USP9X: variants seen among roughly 807,000 people sequenced by gnomAD.
USP9X encodes the protein ubiquitin specific peptidase 9 X-linked.
USP9X carries 7 observed loss-of-function variants against 190.3 expected under a neutral mutation model. The observed-to-expected ratio is 0.04, with a 90% CI of 0.02 to 0.07. The LOEUF is 0.07. Among genes scored for constraint, USP9X ranks in the 10% least tolerant of loss-of-function variants. The probability of loss-of-function intolerance (pLI) is 1.00; values close to 1 mark genes in which losing one functional copy is unlikely to be tolerated. For missense variants in USP9X, 1,010 were observed against 1,916.9 expected, an observed-to-expected ratio of 0.53 and a Z score of 8.83; for synonymous variants, 645 against 659.5, an observed-to-expected ratio of 0.98 and a Z score of 0.34.
intron 21 of USP9X, among the ~76,000 whole-genome samples, chrX:41,180,165 T>C (rs1457353064): frequency 8.9e-6 from 1 of 112,536 alleles, no homozygotes; most frequent in Admixed American, 9.4e-5. Context: ...TTTGCAATTA[T>C]TATGGGACAG....
chrX:41,179,907 A>G (rs2062811359), intron 21 of USP9X, among the ~76,000 whole-genome samples: 1 of 111,428 alleles, frequency 9.0e-6, no homozygotes. Context: ...ATCTATCCCC[A>G]TCTTCACTAC....
intron 9 of USP9X, among the ~76,000 whole-genome samples, chrX:41,142,487 A>G (rs1040544866): frequency 2.7e-5 from 3 of 111,820 alleles, no homozygotes; most frequent in Admixed American, 1.9e-4. Flanking sequence ...TTAAAAACAT[A>G]TGTGTATATA....
rs753901402 is a variant in USP9X at position 41,214,601 on chromosome X, C to T, written c.5223C>T (p.Asn1741=). The T allele has an allele frequency of 6.7e-6, 8 of 1,187,436 alleles. No individual in the cohort carries two copies. The highest frequency in any genetic ancestry group is 3.6e-5 in the African/African-American group (2 of 55,890). ...GTGAAGAATCTTTTACGACCCTAAACGTAGACATTAGAAATCACCAAAATC... is the reference window on the plus strand; with the variant it reads ...GTGAAGAATCTTTTACGACCCTAAATGTAGACATTAGAAATCACCAAAATC... ...YECEESFTTL[N]VDIRNHQNLL... The change falls in exon 34 of 45, where the codon AAC becomes AAT. Residue 1741 remains asparagine (N), a synonymous_variant. Transcript: ENST00000378308.
chrX:41,222,586 T>C (rs12007701), intron 38 of USP9X, among the ~76,000 whole-genome samples: 15,351 of 110,957 alleles, frequency 0.14, 980 homozygotes, highest in East Asian at 0.22. Flanking sequence ...AAATGAGGGT[T>C]GCAGTGTTGG....
intron 1 of USP9X, among the ~76,000 whole-genome samples, chrX:41,110,323 C>T (rs775359962): frequency 1.1e-4 from 12 of 112,427 alleles, no homozygotes; most frequent in South Asian, 7.3e-4. Flanking sequence ...ACAGTGACAA[C>T]GATACTTAAC....
intron 11 of USP9X, among the ~76,000 whole-genome samples, chrX:41,147,819 C>G (rs1339942793): frequency 8.9e-6 from 1 of 112,071 alleles, no homozygotes; most frequent in African/African-American, 3.2e-5. Context: ...AAACACTGAT[C>G]AGCAACTTAG....
chrX:41,201,322 A>G (rs747363817), intron 31 of USP9X, 42 bp downstream of exon 31: 1 of 1,069,614 alleles, frequency 9.3e-7, no homozygotes. Flanking sequence ...GTTTCAAGTT[A>G]TGATACCAGA....
intron 40 of USP9X, 28 bp downstream of exon 40, chrX:41,224,990 T>C: frequency 8.3e-7 from 1 of 1,209,263 alleles, no homozygotes; most frequent in Non-Finnish European, 1.1e-6. Context: ...TTTGTATGTT[T>C]ATAATTTGAT....
intron 2 of USP9X, among the ~76,000 whole-genome samples, chrX:41,127,350 C>A (rs1222161746): frequency 9.0e-6 from 1 of 111,132 alleles, no homozygotes; most frequent in Admixed American, 9.6e-5. Context: ...ATGTATAATT[C>A]CAGTTTTATT....
chrX:41,103,402 C>T (rs2062048166), intron 1 of USP9X, among the ~76,000 whole-genome samples: 1 of 112,033 alleles, frequency 8.9e-6, no homozygotes, highest in Non-Finnish European at 1.9e-5. Context: ...AACATCATTT[C>T]GGTACTTATG....
intron 1 of USP9X, among the ~76,000 whole-genome samples, chrX:41,095,212 G>A (rs1011739417): frequency 8.9e-6 from 1 of 111,785 alleles, no homozygotes; most frequent in African/African-American, 3.3e-5. Context: ...TGCAATTACA[G>A]CTGTATTAAG....
At chrX:41,166,305 T>G in intron 16 of USP9X, 91 bp downstream of exon 16, 1 of 688,256 alleles carries the variant, frequency 1.5e-6, no homozygotes, top group South Asian at 3.9e-5. Flanking sequence ...ATTGTGTATT[T>G]TACTCTGATG....
intron 26 of USP9X, among the ~76,000 whole-genome samples, chrX:41,195,130 G>A (rs980387972): frequency 3.7e-5 from 4 of 109,154 alleles, no homozygotes; most frequent in Admixed American, 1.0e-4. Flanking sequence ...TCCGCCTTCC[G>A]GGTTCAAGCA....
intron 21 of USP9X, among the ~76,000 whole-genome samples, chrX:41,175,953 G>A (rs2062771225): frequency 9.2e-6 from 1 of 108,465 alleles, no homozygotes; most frequent in African/African-American, 3.4e-5. Flanking sequence ...GTGCAGTGGC[G>A]CAATCTCGGC....
At chrX:41,201,830 G>T (rs1294995082) in intron 31 of USP9X, among the ~76,000 whole-genome samples, 2 of 111,537 alleles carry the variant, frequency 1.8e-5, no homozygotes, top group African/African-American at 6.5e-5. Context: ...AATTAGCTGG[G>T]TGTGGTGGCA....
At chrX:41,222,419 T>A (rs1236228404) in intron 38 of USP9X, among the ~76,000 whole-genome samples, 1 of 111,625 alleles carries the variant, frequency 9.0e-6, no homozygotes, top group Non-Finnish European at 1.9e-5. Context: ...CAAATTGGCA[T>A]GAGTTGAGGA....
At chrX:41,173,320 G>A (rs2062744008) in intron 21 of USP9X, among the ~76,000 whole-genome samples, 1 of 111,698 alleles carries the variant, frequency 9.0e-6, no homozygotes, top group African/African-American at 3.3e-5. Context: ...ATATATGTGT[G>A]TTCCTTTAAA....
At chrX:41,208,366 C>A in intron 32 of USP9X, among the ~76,000 whole-genome samples, 1 of 112,132 alleles carries the variant, frequency 8.9e-6, no homozygotes, top group South Asian at 3.6e-4. Context: ...CATTCAGTTA[C>A]AATTTTTTCT....
At chrX:41,230,331 GTTTTGT>G (rs2063349039) in intron 43 of USP9X, among the ~76,000 whole-genome samples, 164 bp from the exon 44 acceptor site, 1 of 51,339 alleles carries the variant, frequency 1.9e-5, no homozygotes, top group Non-Finnish European at 3.8e-5. Context: ...CAGGTTTTTT[GTTTTGT>G]TTTTTTTTTT....
Sources: gnomAD v4.1 joint callset for allele counts (sites outside exome capture counted in the v4.1 genomes callset) on GRCh38, gnomAD v4.1.1 for gene constraint, MANE v1.5 for transcripts, NCBI Gene and HGNC (gene_info 2026-07-23, HGNC 2026-07-21) for gene names.